CDH8: variants seen among roughly 807,000 people sequenced by gnomAD.
CDH8 encodes the protein cadherin 8, also known as cadherin-8.
Under a neutral mutation model 68.1 loss-of-function variants are expected in CDH8, and 17 were observed. That is an observed-to-expected ratio of 0.25 (90% confidence interval 0.17 to 0.37). The LOEUF is 0.37. CDH8 is among the 10% of genes least tolerant of loss of function. The pLI, the probability that CDH8 is intolerant of heterozygous loss-of-function variation, is 1.00. For missense variants in CDH8, 763 were observed against 999.3 expected, an observed-to-expected ratio of 0.76 and a Z score of 3.19; for synonymous variants, 372 against 365.1, an observed-to-expected ratio of 1.02 and a Z score of -0.21.
intron 10 of CDH8, among the ~76,000 whole-genome samples, chr16:61,691,543 C>T (rs1403032539): frequency 6.6e-6 from 1 of 151,770 alleles, no homozygotes; most frequent in Non-Finnish European, 1.5e-5. Flanking sequence ...CCTTTGAGAA[C>T]CTCGGACTTT....
chr16:61,975,606 A>G (rs1328040011), intron 2 of CDH8, among the ~76,000 whole-genome samples: 1 of 152,188 alleles, frequency 6.6e-6, no homozygotes, highest in Non-Finnish European at 1.5e-5. Flanking sequence ...AAAATCTATC[A>G]TTTGTTTGAT....
chr16:61,729,175 A>C (rs1959465278), intron 8 of CDH8, among the ~76,000 whole-genome samples: 1 of 151,164 alleles, frequency 6.6e-6, no homozygotes, highest in African/African-American at 2.4e-5. Flanking sequence ...AATTGTACCA[A>C]GATTACTAAG....
chr16:61,792,678 G>C (rs1961406927), intron 7 of CDH8, among the ~76,000 whole-genome samples: 1 of 151,962 alleles, frequency 6.6e-6, no homozygotes. Flanking sequence ...ACTCGCTTCT[G>C]AGTCATTGTG....
rs547037689 is a variant in CDH8 at position 61,780,451 on chromosome 16, C to T, written c.1414+8895G>A. The stretch of plus-strand genomic sequence containing the variant: ...GAGGATAAAGAATGACATCTCCATT[C>T]TCATTAAGAGATAACAGATGGACTT... On this transcript the variant is annotated intron_variant, in intron 8 of 11. Transcript: ENST00000577390. 1.3e-4 allele frequency among the ~76,000 whole-genome samples: 20 copies of T among 152,344 alleles called. No individual in the cohort carries two copies. In the South Asian group the frequency reaches 3.9e-3, roughly 30 times the overall value.
chr16:61,992,931 G>A (rs1965750227), intron 2 of CDH8, among the ~76,000 whole-genome samples: 1 of 152,020 alleles, frequency 6.6e-6, no homozygotes, highest in Non-Finnish European at 1.5e-5. Context: ...AACTACAGGT[G>A]CAGGCTGCCA....
intron 2 of CDH8, among the ~76,000 whole-genome samples, chr16:61,993,119 A>AT (rs1236742882): frequency 2.6e-5 from 4 of 152,184 alleles, no homozygotes; most frequent in African/African-American, 9.7e-5. Flanking sequence ...ATATGCATGT[A>AT]TTGGGCTCAA....
intron 2 of CDH8, among the ~76,000 whole-genome samples, chr16:61,925,275 A>G (rs1337925826): frequency 6.6e-6 from 1 of 152,238 alleles, no homozygotes; most frequent in Non-Finnish European, 1.5e-5. Context: ...ACAAAATAAA[A>G]TAAGAAGAGC....
At chr16:61,768,404 C>T in intron 8 of CDH8, among the ~76,000 whole-genome samples, 1 of 134,034 alleles carries the variant, frequency 7.5e-6, no homozygotes, top group Non-Finnish European at 1.6e-5. Context: ...CCCTTTCTCT[C>T]TCTCTCTCTC....
chr16:61,680,278 G>A (rs1406133188), intron 10 of CDH8, among the ~76,000 whole-genome samples: 3 of 151,852 alleles, frequency 2.0e-5, no homozygotes, highest in South Asian at 2.1e-4. Context: ...CATGCAAACC[G>A]TATCAATCTA....
At chr16:61,671,330 C>T (rs1358511050) in intron 10 of CDH8, among the ~76,000 whole-genome samples, 1 of 151,812 alleles carries the variant, frequency 6.6e-6, no homozygotes, top group Non-Finnish European at 1.5e-5. Context: ...TGGTTAATGG[C>T]TTGGATCAAG....
At chr16:61,692,924 A>T (rs758338099) in intron 10 of CDH8, 1 of 152,170 alleles carries the variant, frequency 6.6e-6, no homozygotes, top group Admixed American at 6.5e-5. Context: ...CAAAGTGGTC[A>T]ACTGAGTCAT....
At chr16:61,888,290 A>G (rs192010926) in intron 3 of CDH8, among the ~76,000 whole-genome samples, 53 of 152,306 alleles carry the variant, frequency 3.5e-4, no homozygotes, top group African/African-American at 1.2e-3. Context: ...AGAGACAGAT[A>G]TAGATAGGCT....
At chr16:61,902,480 C>T (rs777966191) in intron 2 of CDH8, among the ~76,000 whole-genome samples, 10 of 151,588 alleles carry the variant, frequency 6.6e-5, no homozygotes, top group African/African-American at 2.2e-4. Context: ...AAAAGAAAAG[C>T]CCATTGCGAT....
chr16:61,701,365 CT>C (rs1316118950), intron 10 of CDH8, among the ~76,000 whole-genome samples: 3 of 152,114 alleles, frequency 2.0e-5, no homozygotes, highest in Non-Finnish European at 4.4e-5. Flanking sequence ...ATAAACATTG[CT>C]TATGTGGAAT....
chr16:61,942,407 G>T (rs761635809), intron 2 of CDH8, among the ~76,000 whole-genome samples: 36 of 152,222 alleles, frequency 2.4e-4, no homozygotes, highest in Non-Finnish European at 2.5e-4. Context: ...TGAGATGGGA[G>T]AATTGCTTGA....
intron 7 of CDH8, among the ~76,000 whole-genome samples, chr16:61,815,928 C>A (rs1409184235): frequency 2.0e-5 from 3 of 152,144 alleles, no homozygotes; most frequent in Non-Finnish European, 4.4e-5. Context: ...CATAATTTCA[C>A]TATATTTTCC....
chr16:61,661,942 C>T (rs947729497), intron 10 of CDH8, among the ~76,000 whole-genome samples: 2 of 151,202 alleles, frequency 1.3e-5, no homozygotes, highest in African/African-American at 4.8e-5. Flanking sequence ...TAGTAGGCAC[C>T]TTTACTTTGT....
intron 2 of CDH8, among the ~76,000 whole-genome samples, chr16:61,979,645 T>G (rs1481265954): frequency 4.4e-5 from 6 of 136,506 alleles, no homozygotes; most frequent in South Asian, 2.2e-4. Context: ...TTGTTTTAGG[T>G]TTTTTTTTTT....
intron 4 of CDH8, among the ~76,000 whole-genome samples, chr16:61,838,475 G>A (rs10500458): frequency 0.025 from 3,791 of 152,186 alleles, 68 homozygotes; most frequent in Admixed American, 0.059. Flanking sequence ...GGGTGTCTCC[G>A]CAAGATTCTC....
Sources: allele counts gnomAD v4.1 joint callset (sites outside exome capture counted in the v4.1 genomes callset), GRCh38; gene constraint gnomAD v4.1.1; transcripts MANE v1.5; gene names NCBI Gene and HGNC (gene_info 2026-07-23, HGNC 2026-07-21).